Variants in MRPS9 observed in about 807,000 individuals in gnomAD.
MRPS9 encodes mitochondrial ribosomal protein S9.
In MRPS9, 45 loss-of-function variants were observed where a neutral mutation model predicts 59.9. That is an observed-to-expected ratio of 0.75 (90% CI 0.59 to 0.96). MRPS9 has a LOEUF of 0.96. MRPS9 is among the 40% of genes least tolerant of loss of function. The pLI is 0.00. For synonymous variants in MRPS9, 171 were observed against 166.8 expected (o/e 1.03, Z -0.19); for missense variants, 473 against 481.1 (o/e 0.98, Z 0.16).
At chr2:105,078,944 G>A (rs1344062231) in intron 4 of MRPS9, among the ~76,000 whole-genome samples, 1 of 152,116 alleles carries the variant, frequency 6.6e-6, no homozygotes, top group African/African-American at 2.4e-5. Flanking sequence ...CACGGGGGTG[G>A]GGAAACCTAA....
At chr2:105,058,830 C>G (rs1480789949) in intron 2 of MRPS9, among the ~76,000 whole-genome samples, 1 of 152,062 alleles carries the variant, frequency 6.6e-6, no homozygotes, top group Middle Eastern at 3.4e-3. Flanking sequence ...CAGGTGCCCA[C>G]CACCATGCTC....
intron 5 of MRPS9, among the ~76,000 whole-genome samples, chr2:105,084,850 T>A (rs1680417169): frequency 6.6e-6 from 1 of 152,184 alleles, no homozygotes; most frequent in Non-Finnish European, 1.5e-5. Context: ...TACCATTGTA[T>A]ATCTGGTATG....
chr2:105,061,109 C>CAAAAAAAAA (rs751155585), intron 2 of MRPS9, among the ~76,000 whole-genome samples: 4 of 47,982 alleles, frequency 8.3e-5, no homozygotes, highest in Non-Finnish European at 1.1e-4. Flanking sequence ...GACTCTGTCT[C>CAAAAAAAAA]AAAAAAAAAA....
intron 2 of MRPS9, among the ~76,000 whole-genome samples, chr2:105,053,948 A>T (rs551312147): frequency 6.6e-6 from 1 of 152,346 alleles, no homozygotes; most frequent in East Asian, 1.9e-4. Context: ...TTCTAAAATG[A>T]GGTTGAATTT....
At chr2:105,077,531 A>G (rs1413024978) in intron 4 of MRPS9, among the ~76,000 whole-genome samples, 1 of 152,234 alleles carries the variant, frequency 6.6e-6, no homozygotes, top group African/African-American at 2.4e-5. Context: ...TACCGTTTAT[A>G]TCTTTAAAAG....
Position 105,071,279 on chromosome 2 carries a change from AC to A in MRPS9, c.316-33del, listed in dbSNP as rs776117484. 2.8e-5 allele frequency: 44 copies of A among 1,570,738 alleles called. No homozygotes were observed. The East Asian group carries it at 8.5e-4, about 30-fold the overall frequency. ...TATTAGTTCTAACCTTGTTTATATA[AC>A]AGTTGTTAACTAACCTTTGTGTATA... On this transcript the variant is annotated intron_variant, in intron 2 of 10. Transcript: ENST00000258455.
intron 9 of MRPS9, among the ~76,000 whole-genome samples, chr2:105,095,698 T>C (rs1390530736): frequency 1.3e-5 from 2 of 152,044 alleles, no homozygotes; most frequent in Non-Finnish European, 2.9e-5. Context: ...CGTTTCTCCA[T>C]GTTGGTCAGA....
chr2:105,067,985 A>T (rs1477051476), intron 2 of MRPS9, among the ~76,000 whole-genome samples: 1 of 151,992 alleles, frequency 6.6e-6, no homozygotes, highest in African/African-American at 2.4e-5. Flanking sequence ...GTGCCACCAC[A>T]CTTCTTAAAA....
chr2:105,082,111 G>A (rs762651510), intron 5 of MRPS9, among the ~76,000 whole-genome samples: 1 of 152,162 alleles, frequency 6.6e-6, no homozygotes, highest in Non-Finnish European at 1.5e-5. Flanking sequence ...GGGGGGAACC[G>A]TCCCCTTCCC....
chr2:105,069,814 C>A (rs1266381018), intron 2 of MRPS9, among the ~76,000 whole-genome samples: 1 of 150,666 alleles, frequency 6.6e-6, no homozygotes, highest in Non-Finnish European at 1.5e-5. Flanking sequence ...AGTTCAAGAC[C>A]AGCCTGAGCA....
chr2:105,075,878 A>C (rs1255012652), intron 4 of MRPS9, among the ~76,000 whole-genome samples: 1 of 152,188 alleles, frequency 6.6e-6, no homozygotes, highest in Non-Finnish European at 1.5e-5. Context: ...ATCAAGACAA[A>C]CAGAAACACA....
intron 1 of MRPS9, among the ~76,000 whole-genome samples, chr2:105,048,406 G>A (rs940309039): frequency 4.0e-5 from 6 of 151,800 alleles, no homozygotes; most frequent in African/African-American, 1.5e-4. Context: ...AATGCTAAAT[G>A]ACGAGTTAAT....
At chr2:105,055,711 A>T (rs1035469223) in intron 2 of MRPS9, among the ~76,000 whole-genome samples, 1 of 152,012 alleles carries the variant, frequency 6.6e-6, no homozygotes, top group Non-Finnish European at 1.5e-5. Context: ...AAAATTATAT[A>T]CTCATATGGT....
chr2:105,038,489 T>A, intron 1 of MRPS9: 1 of 467,294 alleles, frequency 2.1e-6, no homozygotes, highest in East Asian at 4.3e-5. Context: ...CTCCTTCATT[T>A]GGCTGCTGAG....
intron 2 of MRPS9, among the ~76,000 whole-genome samples, chr2:105,055,813 C>A (rs562505859): frequency 6.6e-6 from 1 of 152,286 alleles, no homozygotes; most frequent in South Asian, 2.1e-4. Flanking sequence ...GCTGATGAGT[C>A]AGCATTTCCA....
chr2:105,071,409 C>T, intron 3 of MRPS9, 34 bp downstream of exon 3: 1 of 1,589,332 alleles, frequency 6.3e-7, no homozygotes, highest in Non-Finnish European at 8.6e-7. Context: ...AAAAATTTCA[C>T]TTTTATATGT....
intron 5 of MRPS9, among the ~76,000 whole-genome samples, chr2:105,082,140 A>G (rs1043341110): frequency 2.6e-5 from 4 of 152,226 alleles, no homozygotes; most frequent in Non-Finnish European, 5.9e-5. Context: ...TGATCACAGG[A>G]TGGCTGTCCC....
At chr2:105,074,985 G>A (rs531101073) in intron 4 of MRPS9, among the ~76,000 whole-genome samples, 178 of 152,120 alleles carry the variant, frequency 1.2e-3, no homozygotes, top group Non-Finnish European at 2.1e-3. Flanking sequence ...ACAACTCACC[G>A]TAATGTAGAA....
At chr2:105,046,376 T>C (rs1679595343) in intron 1 of MRPS9, among the ~76,000 whole-genome samples, 1 of 151,988 alleles carries the variant, frequency 6.6e-6, no homozygotes, top group Non-Finnish European at 1.5e-5. Flanking sequence ...ACAATTTGTT[T>C]CATTACTAGT....
Sources: allele counts gnomAD v4.1 joint callset (sites outside exome capture counted in the v4.1 genomes callset), GRCh38; gene constraint gnomAD v4.1.1; transcripts MANE v1.5; gene names NCBI Gene and HGNC (gene_info 2026-07-23, HGNC 2026-07-21).